PLA2G4A: variants seen among roughly 807,000 people sequenced by gnomAD.
PLA2G4A encodes the protein cytosolic phospholipase A2.
A neutral mutation model predicts 81.9 loss-of-function variants in PLA2G4A; 40 were observed. The ratio of observed to expected loss-of-function variants is 0.49; its 90% CI spans 0.38 to 0.64. PLA2G4A has a LOEUF of 0.64. Among genes scored for constraint, PLA2G4A ranks in the 30% least tolerant of loss-of-function variants. PLA2G4A has a pLI of 0.00. For missense variants in PLA2G4A, 715 were observed against 905.1 expected, an observed-to-expected ratio of 0.79 and a Z score of 2.69; for synonymous variants, 302 against 296.9, an observed-to-expected ratio of 1.02 and a Z score of -0.18.
Position 186,875,403 on chromosome 1 carries a change from T to C in PLA2G4A, c.115+4887T>C, listed in dbSNP as rs182236524. Among the ~76,000 whole-genome samples the C allele has an allele frequency of 3.2e-3, 482 of 152,198 alleles. 1 individual carries two copies. Among genetic ancestry groups the C allele is most frequent in the Non-Finnish European group, 5.3e-3 (359 of 67,984 alleles). ...ATAGAAATAAACACAAATACCTTAA[T>C]ACCACAATTATAATGTTAAATTCTG... On this transcript the variant is annotated intron_variant, in intron 3 of 17. Coordinates refer to ENST00000367466, the MANE Select transcript of PLA2G4A (RefSeq NM_024420.3).
chr1:186,907,652 C>T (rs2102146504), intron 6 of PLA2G4A, among the ~76,000 whole-genome samples: 1 of 152,244 alleles, frequency 6.6e-6, no homozygotes, highest in East Asian at 1.9e-4. Context: ...TTGATTTGAC[C>T]AAAGTTATTA....
intron 3 of PLA2G4A, among the ~76,000 whole-genome samples, chr1:186,873,719 A>G (rs1167893612): frequency 6.6e-6 from 1 of 152,082 alleles, no homozygotes; most frequent in East Asian, 1.9e-4. Context: ...GCACTGTTAA[A>G]ACCTCAGAAT....
chr1:186,889,875 T>C (rs1159076851), intron 3 of PLA2G4A, among the ~76,000 whole-genome samples: 1 of 152,058 alleles, frequency 6.6e-6, no homozygotes, highest in Non-Finnish European at 1.5e-5. Flanking sequence ...ATCCATACCC[T>C]GTAATCTAAT....
At chr1:186,974,819 T>C (rs1019729864) in intron 15 of PLA2G4A, among the ~76,000 whole-genome samples, 1 of 152,208 alleles carries the variant, frequency 6.6e-6, no homozygotes, top group African/African-American at 2.4e-5. Flanking sequence ...AAACCAGACA[T>C]CAGAGAGGAA....
At chr1:186,986,897 A>T (rs950790150) in intron 17 of PLA2G4A, among the ~76,000 whole-genome samples, 4 of 152,216 alleles carry the variant, frequency 2.6e-5, no homozygotes, top group African/African-American at 4.8e-5. Flanking sequence ...TCACAGAATT[A>T]TGTTTCCCTA....
At chr1:186,965,690 A>C in intron 15 of PLA2G4A, 97 bp downstream of exon 15, 2 of 879,906 alleles carry the variant, frequency 2.3e-6, no homozygotes, top group Middle Eastern at 2.9e-4. Flanking sequence ...TTATTCCTTT[A>C]ATGTATTTTC....
rs1161879452 is a variant in PLA2G4A at position 186,982,914 on chromosome 1, T to TA, written c.2118+3447dup. 3.3e-5 allele frequency among the ~76,000 whole-genome samples: 5 copies of TA among 151,816 alleles called. No individual in the cohort carries two copies. The East Asian group carries it at 9.7e-4, about 30-fold the overall frequency. On this transcript the variant is annotated intron_variant, in intron 17 of 17. Coordinates refer to ENST00000367466, the MANE Select transcript of PLA2G4A (RefSeq NM_024420.3). Reference sequence around the variant, plus strand: ...TAACACGGTGAAACCCCGTCTCTACTAAAAATACAAAAAAGCAAAATTAGC... The same window carrying TA: ...TAACACGGTGAAACCCCGTCTCTACTAAAAAATACAAAAAAGCAAAATTAGC...
At chr1:186,856,015 T>C (rs1326664103) in intron 2 of PLA2G4A, among the ~76,000 whole-genome samples, 1 of 152,032 alleles carries the variant, frequency 6.6e-6, no homozygotes, top group Non-Finnish European at 1.5e-5. Flanking sequence ...GTTATAGTTC[T>C]TTGCATTTCC....
intron 5 of PLA2G4A, among the ~76,000 whole-genome samples, chr1:186,899,511 G>C (rs925475460): frequency 1.3e-5 from 2 of 152,206 alleles, no homozygotes; most frequent in Non-Finnish European, 2.9e-5. Flanking sequence ...CACTGGACTA[G>C]AAAGGACAGA....
At chr1:186,885,202 C>T (rs1653893173) in intron 3 of PLA2G4A, among the ~76,000 whole-genome samples, 1 of 152,062 alleles carries the variant, frequency 6.6e-6, no homozygotes, top group South Asian at 2.1e-4. Context: ...TTGATTCATG[C>T]AGGGCAACAG....
intron 3 of PLA2G4A, among the ~76,000 whole-genome samples, chr1:186,886,771 C>A (rs1397924983): frequency 6.6e-6 from 1 of 152,138 alleles, no homozygotes; most frequent in African/African-American, 2.4e-5. Flanking sequence ...AAGTAAATGA[C>A]TGGACTGGGC....
In PLA2G4A at chr1:186,868,366, T is replaced by C. The variant is rs1456784007; in HGVS notation, c.34-2069T>C. On this transcript the variant is annotated intron_variant, in intron 2 of 17. Coordinates refer to ENST00000367466, the MANE Select transcript of PLA2G4A (RefSeq NM_024420.3). ...GTGCTGGGATTACAGGCGTGAGCCA[T>C]TGGGCCCCGCCCGGTGTCTAATTCT... Among the ~76,000 whole-genome samples, 7 of 152,122 alleles carry C rather than the reference T, an allele frequency of 4.6e-5. No homozygotes were observed. The South Asian group carries it at 1.4e-3, about 31-fold the overall frequency.
At chr1:186,911,555 T>C (rs1410012300) in intron 7 of PLA2G4A, among the ~76,000 whole-genome samples, 166 bp downstream of exon 7, 2 of 152,202 alleles carry the variant, frequency 1.3e-5, no homozygotes, top group Non-Finnish European at 2.9e-5. Context: ...TTGAGGAAGG[T>C]CATCACAAAT....
At chr1:186,957,968 A>C (rs1344426202) in intron 14 of PLA2G4A, among the ~76,000 whole-genome samples, 2 of 152,202 alleles carry the variant, frequency 1.3e-5, no homozygotes, top group Non-Finnish European at 2.9e-5. Context: ...TATTTCCAAA[A>C]AATTTTTCTA....
At chr1:186,859,236 C>A (rs896543634) in intron 2 of PLA2G4A, among the ~76,000 whole-genome samples, 4 of 152,038 alleles carry the variant, frequency 2.6e-5, no homozygotes, top group African/African-American at 9.7e-5. Context: ...TCTCTTGCTT[C>A]CAATGGTGCT....
chr1:186,956,662 C>T (rs1337711831), intron 14 of PLA2G4A, among the ~76,000 whole-genome samples: 1 of 151,994 alleles, frequency 6.6e-6, no homozygotes, highest in Non-Finnish European at 1.5e-5. Context: ...TACAGGTGCA[C>T]ACCACCATAC....
At chr1:186,835,495 T>C (rs1451136160) in intron 1 of PLA2G4A, among the ~76,000 whole-genome samples, 1 of 152,200 alleles carries the variant, frequency 6.6e-6, no homozygotes, top group African/African-American at 2.4e-5. Context: ...CACACAGTTA[T>C]GGGATCATTC....
intron 17 of PLA2G4A, among the ~76,000 whole-genome samples, chr1:186,987,749 T>C (rs1288804159): frequency 6.6e-6 from 1 of 152,208 alleles, no homozygotes; most frequent in Admixed American, 6.5e-5. Context: ...TAGTTTCCTG[T>C]GTTTTCTTCT....
At chr1:186,916,556 A>G (rs1227948787) in intron 7 of PLA2G4A, among the ~76,000 whole-genome samples, 2 of 152,048 alleles carry the variant, frequency 1.3e-5, no homozygotes, top group African/African-American at 4.8e-5. Flanking sequence ...GCGTTTGGGC[A>G]CCCCTTTTTC....
Sources: allele counts gnomAD v4.1 joint callset (sites outside exome capture counted in the v4.1 genomes callset), GRCh38; gene constraint gnomAD v4.1.1; transcripts MANE v1.5; gene names NCBI Gene and HGNC (gene_info 2026-07-23, HGNC 2026-07-21).